The following VWA8 variants were observed in gnomAD, a reference collection of about 807,000 sequenced individuals.
VWA8 encodes the protein von Willebrand factor A domain containing 8, also known as von Willebrand factor A domain-containing protein 8.
VWA8 carries 221 observed loss-of-function variants against 241.5 expected under a neutral mutation model. That is an observed-to-expected ratio of 0.91 (90% CI 0.82 to 1.02). The LOEUF (loss-of-function observed/expected upper bound fraction) is 1.02. Among genes scored for constraint, VWA8 ranks in the 50% least tolerant of loss-of-function variants. The probability of loss-of-function intolerance (pLI) is 0.00; values close to 1 mark genes in which losing one functional copy is unlikely to be tolerated. For missense variants in VWA8, 2,322 were observed against 2,328.7 expected (o/e 1.00, Z 0.06); for synonymous variants, 852 against 827.1 (o/e 1.03, Z -0.52).
At chr13:41,959,988 GA>G (rs1878538093) in intron 1 of VWA8, among the ~76,000 whole-genome samples, 1 of 152,180 alleles carries the variant, frequency 6.6e-6, no homozygotes, top group Non-Finnish European at 1.5e-5. Flanking sequence ...ATTTCATAGT[GA>G]AAACCTGTTA....
In VWA8 at chr13:41,763,313, ATAG is replaced by A. The variant is rs761955012; in HGVS notation, c.2350-2112_2350-2110del. On this transcript the variant is annotated intron_variant, in intron 20 of 44. Coordinates refer to ENST00000379310, the MANE Select transcript of VWA8 (RefSeq NM_015058.2). ...TAAAAATAAATAAATAAATAAATAG[ATAG>A]ATAGATAGATAGATAGATAGATAGA... is the stretch of plus-strand genomic sequence containing the variant. Among the ~76,000 whole-genome samples, 986 of 120,510 alleles carry A rather than the reference ATAG, an allele frequency of 8.2e-3. 4 individuals carry two copies. The highest frequency in any genetic ancestry group is 0.017 in the African/African-American group (504 of 29,264). The allele number at this position is 120,510 out of a possible 152,430, so 79.1% of individuals were successfully genotyped here.
chr13:41,934,660 G>C (rs1877270441), intron 2 of VWA8, among the ~76,000 whole-genome samples: 1 of 151,978 alleles, frequency 6.6e-6, no homozygotes, highest in Non-Finnish European at 1.5e-5. Context: ...AGACAGAAAA[G>C]TATATATGTT....
At chr13:41,734,533 T>C (rs2045510497) in intron 21 of VWA8, among the ~76,000 whole-genome samples, 1 of 152,230 alleles carries the variant, frequency 6.6e-6, no homozygotes. Context: ...TTTACGGAGC[T>C]TGAACAGGTA....
intron 12 of VWA8, among the ~76,000 whole-genome samples, chr13:41,836,783 T>C (rs976671586): frequency 3.3e-5 from 5 of 152,190 alleles, no homozygotes; most frequent in Non-Finnish European, 7.3e-5. Flanking sequence ...TTTGCTAAAG[T>C]AAAATGAATG....
chr13:41,668,448 T>C (rs1189071868), intron 37 of VWA8, among the ~76,000 whole-genome samples: 2 of 152,190 alleles, frequency 1.3e-5, no homozygotes, highest in Non-Finnish European at 2.9e-5. Flanking sequence ...TTTTCAATAC[T>C]TCTATGAAAG....
chr13:41,884,372 T>G (rs539486535), intron 8 of VWA8, among the ~76,000 whole-genome samples: 1 of 129,326 alleles, frequency 7.7e-6, no homozygotes, highest in Non-Finnish European at 1.7e-5. Flanking sequence ...CCTGCCACCA[T>G]GTGAAGGACG....
chr13:41,813,015 G>A (rs1189067474), intron 16 of VWA8, among the ~76,000 whole-genome samples: 2 of 152,076 alleles, frequency 1.3e-5, no homozygotes, highest in Non-Finnish European at 2.9e-5. Flanking sequence ...CAAAAGTAAT[G>A]GAACCACAAG....
intron 20 of VWA8, among the ~76,000 whole-genome samples, chr13:41,770,020 T>A (rs941470935): frequency 3.9e-5 from 6 of 152,086 alleles, no homozygotes; most frequent in African/African-American, 1.4e-4. Context: ...AAAGAAAGCC[T>A]CATAGAAGAA....
intron 42 of VWA8, among the ~76,000 whole-genome samples, chr13:41,583,504 G>C (rs139503586): frequency 6.6e-6 from 1 of 151,942 alleles, no homozygotes; most frequent in South Asian, 2.1e-4. Context: ...TTAGCCGGGC[G>C]TGGTGGCACA....
Position 41,729,582 on chromosome 13 carries a change from A to T in VWA8, c.2598T>A (p.Asn866Lys), listed in dbSNP as rs557601036. ...TTCCATCTGCTAGAATCATTTCTCC[A>T]TTTTCTACTAGAGTTTTTAAAATAC... ...VTCILKTLVE[N>K]GEMILADGRR... The change falls in exon 23 of 45, where the codon AAT becomes AAA. Residue 866 changes from asparagine (N) to lysine (K), a missense_variant. Coordinates refer to ENST00000379310, the MANE Select transcript of VWA8 (RefSeq NM_015058.2). 2 of 1,612,608 alleles carry T rather than the reference A, an allele frequency of 1.2e-6. No homozygotes were observed. Among genetic ancestry groups the T allele is most frequent in the Non-Finnish European group, 1.7e-6 (2 of 1,179,308 alleles).
intron 21 of VWA8, among the ~76,000 whole-genome samples, chr13:41,753,173 G>T (rs1032040891): frequency 5.3e-5 from 8 of 151,982 alleles, no homozygotes; most frequent in African/African-American, 1.9e-4. Context: ...GAGAAAGTTG[G>T]GGCTACCCTG....
intron 9 of VWA8, among the ~76,000 whole-genome samples, chr13:41,870,431 G>A (rs760705140): frequency 6.6e-6 from 1 of 152,098 alleles, no homozygotes; most frequent in Non-Finnish European, 1.5e-5. Context: ...TTGAGGTCAG[G>A]AGTTCAAGAC....
chr13:41,829,508 C>T (rs982201434), intron 14 of VWA8, among the ~76,000 whole-genome samples: 2 of 146,388 alleles, frequency 1.4e-5, no homozygotes, highest in Non-Finnish European at 3.0e-5. Flanking sequence ...CTATAACCAA[C>T]GAGTGGATAA....
At position 41,721,418 on chromosome 13, in the gene VWA8, G is replaced by C; in HGVS notation, c.2916C>G (p.Asn972Lys). The C allele has an allele frequency of 6.2e-7, 1 of 1,613,834 alleles. No individual in the cohort carries two copies. Among genetic ancestry groups the C allele is most frequent in the African/African-American group, 1.3e-5 (1 of 75,000 alleles). Residue 972 changes from asparagine to lysine, a missense_variant, in exon 25 of 45, where the codon AAC (asparagine) becomes AAG (lysine). Physicochemically the swap from Asn to Lys is moderately conservative, Grantham distance 94. Coordinates refer to ENST00000379310, the MANE Select transcript of VWA8 (RefSeq NM_015058.2). ...CAACTTCTCTGGTAGAATAAGGATA[G>C]TTAATAATCCCTTGGTCAGCCAAAC... ...LRSLADQGIINYPYSTREVVN... is the reference protein window; with the variant it reads ...LRSLADQGIIKYPYSTREVVN...
At chr13:41,821,448 G>GC (rs569601248) in intron 14 of VWA8, among the ~76,000 whole-genome samples, 43 of 152,270 alleles carry the variant, frequency 2.8e-4, no homozygotes, top group Middle Eastern at 3.4e-3. Flanking sequence ...TCCTGATGAT[G>GC]CTAGCTAGGT....
intron 40 of VWA8, among the ~76,000 whole-genome samples, chr13:41,594,545 T>C (rs2044476102): frequency 3.3e-5 from 5 of 152,152 alleles, no homozygotes; most frequent in Admixed American, 1.3e-4. Context: ...TTTATTTTGG[T>C]GTTTCTAAAA....
chr13:41,922,332 T>C (rs927547869), intron 2 of VWA8, among the ~76,000 whole-genome samples: 1 of 152,170 alleles, frequency 6.6e-6, no homozygotes, highest in African/African-American at 2.4e-5. Context: ...ATAAAAACCC[T>C]AGAAGAAAAC....
At chr13:41,679,282 A>G (rs976768258) in intron 35 of VWA8, among the ~76,000 whole-genome samples, 3 of 152,210 alleles carry the variant, frequency 2.0e-5, no homozygotes, top group Admixed American at 6.5e-5. Context: ...AGAAGGAGGT[A>G]TTAAAAACTG....
chr13:41,865,221 CAT>C lies in VWA8; in HGVS notation c.1425+513_1425+514del, dbSNP rs145251310. On this transcript the variant is annotated intron_variant, in intron 12 of 44. Coordinates refer to ENST00000379310, the MANE Select transcript of VWA8 (RefSeq NM_015058.2). ...AATATATGTACATATTTTCACAGCA[CAT>C]GTGATATTTTGATACATTCATATAA... 1.0e-3 allele frequency: 288 copies of C among 279,404 alleles called. 3 individuals carry two copies. Among genetic ancestry groups the C allele is most frequent in the African/African-American group, 5.8e-3 (252 of 43,136 alleles). 17.3% of individuals were successfully genotyped at this position (279,404 alleles called of 1,614,324 possible). A position where few individuals can be genotyped will look rare whatever the true frequency, so the allele number is the denominator to read the frequency against.
Sources: gnomAD v4.1 joint callset for allele counts (sites outside exome capture counted in the v4.1 genomes callset) on GRCh38, gnomAD v4.1.1 for gene constraint, MANE v1.5 for transcripts, NCBI Gene and HGNC (gene_info 2026-07-23, HGNC 2026-07-21) for gene names.